EYS: variants seen among roughly 807,000 people sequenced by gnomAD.
EYS encodes the protein protein eyes shut homolog.
A neutral mutation model predicts 282.1 loss-of-function variants in EYS; 250 were observed. The observed-to-expected ratio is 0.89, with a 90% confidence interval of 0.80 to 0.98. The LOEUF (loss-of-function observed/expected upper bound fraction) is 0.98, where lower values mean the gene tolerates loss of function less well. Ranked by LOEUF, EYS falls within the 50% of genes least tolerant of loss-of-function variation. The probability of loss-of-function intolerance (pLI) is 0.00; values close to 1 mark genes in which losing one functional copy is unlikely to be tolerated. For synonymous variants in EYS, 1,355 were observed against 1,282.9 expected, an observed-to-expected ratio of 1.06 and a Z score of -1.20; for missense variants, 4,016 against 3,709.0, an observed-to-expected ratio of 1.08 and a Z score of -2.15.
chr6:64,002,328 GTA>G (rs1391063182), intron 33 of EYS, among the ~76,000 whole-genome samples: 1 of 152,202 alleles, frequency 6.6e-6, no homozygotes, highest in Non-Finnish European at 1.5e-5. Context: ...TTGAGCCTGT[GTA>G]TGATCTGATT....
intron 1 of EYS, among the ~76,000 whole-genome samples, chr6:65,677,446 T>G (rs1425196674): frequency 2.6e-5 from 4 of 151,808 alleles, no homozygotes; most frequent in East Asian, 1.9e-4. Context: ...GAAAAATAAG[T>G]TAAAAACAAT....
At chr6:65,197,207 C>T (rs561566372) in intron 12 of EYS, among the ~76,000 whole-genome samples, 7 of 151,958 alleles carry the variant, frequency 4.6e-5, no homozygotes, top group African/African-American at 9.6e-5. Context: ...CATATAATAA[C>T]GACGCTAAAA....
chr6:64,816,883 G>T (rs1243644946), intron 21 of EYS, among the ~76,000 whole-genome samples: 2 of 151,458 alleles, frequency 1.3e-5, no homozygotes, highest in Non-Finnish European at 2.9e-5. Context: ...TCCAAAAAAG[G>T]ATACTAATTA....
intron 5 of EYS, among the ~76,000 whole-genome samples, chr6:65,449,200 C>A (rs1395062735): frequency 6.6e-6 from 1 of 152,000 alleles, no homozygotes; most frequent in East Asian, 1.9e-4. Context: ...TTGATGTTCT[C>A]AATTACCTAT....
intron 22 of EYS, among the ~76,000 whole-genome samples, chr6:64,801,479 A>G (rs1774551308): frequency 6.6e-6 from 1 of 152,144 alleles, no homozygotes; most frequent in Admixed American, 6.6e-5. Flanking sequence ...CATATAATTT[A>G]ACATTTTTTT....
At chr6:65,048,967 A>G (rs1381396573) in intron 13 of EYS, among the ~76,000 whole-genome samples, 2 of 151,804 alleles carry the variant, frequency 1.3e-5, no homozygotes, top group South Asian at 2.1e-4. Context: ...CCAGTGTGCC[A>G]TAAGTAGATT....
chr6:64,482,241 A>C (rs1233729429), intron 26 of EYS, among the ~76,000 whole-genome samples: 4 of 151,572 alleles, frequency 2.6e-5, no homozygotes, highest in Non-Finnish European at 5.9e-5. Flanking sequence ...TTCCTGATCC[A>C]CTCACTTACA....
At chr6:64,292,310 G>A (rs759071228) in intron 30 of EYS, among the ~76,000 whole-genome samples, 14 of 152,070 alleles carry the variant, frequency 9.2e-5, no homozygotes, top group Non-Finnish European at 1.6e-4. Flanking sequence ...AATTACTTTT[G>A]GGAATAGCCT....
chr6:65,495,128 A>C lies in EYS; in HGVS notation c.283T>G (p.Ser95Ala). 1 of 1,614,148 alleles carries C rather than the reference A, an allele frequency of 6.2e-7. No homozygotes were observed. Among genetic ancestry groups the C allele is most frequent in the Admixed American group, 1.7e-5 (1 of 60,018 alleles). ...AAATTTATTTCTGGAAATTGAAGAG[A>C]TGGTTCAGAAGAAATTACAAGGATA... is the stretch of plus-strand genomic sequence containing the variant. Reference protein sequence around the residue: ...GDILVISSEPSLQFPEINLMN... With the variant: ...GDILVISSEPALQFPEINLMN... The change falls in exon 4 of 43, where the codon TCT becomes GCT. Residue 95 changes from serine to alanine, a missense_variant. By Grantham distance (99) the Ser-to-Ala change is moderately conservative. Coordinates refer to ENST00000503581, the MANE Select transcript of EYS (RefSeq NM_001142800.2).
chr6:64,351,657 G>A (rs1182282891), intron 29 of EYS, among the ~76,000 whole-genome samples: 2 of 151,408 alleles, frequency 1.3e-5, no homozygotes, highest in African/African-American at 4.8e-5. Flanking sequence ...TGCTTCAGTG[G>A]ACTACAAGGT....
chr6:65,492,021 T>C (rs546856118), intron 4 of EYS, among the ~76,000 whole-genome samples: 1 of 152,184 alleles, frequency 6.6e-6, no homozygotes, highest in African/African-American at 2.4e-5. Context: ...TCTTTGACTT[T>C]TGGCATCTAA....
rs1160895887 is a variant in EYS at position 64,316,014 on chromosome 6, A to G, written c.6079-8932T>C. Among the ~76,000 whole-genome samples, 3 of 152,240 alleles carry G rather than the reference A, an allele frequency of 2.0e-5. No individual in the cohort carries two copies. In the East Asian group the frequency reaches 5.8e-4, roughly 29 times the overall value. Reference sequence around the variant, plus strand: ...CAGAAAATGCCTTCAAAAATATTCAACAACCCTTCATGCTAAAAACTCTCA... The same window carrying G: ...CAGAAAATGCCTTCAAAAATATTCAGCAACCCTTCATGCTAAAAACTCTCA... On this transcript the variant is annotated intron_variant, in intron 29 of 42. Coordinates refer to ENST00000503581, the MANE Select transcript of EYS (RefSeq NM_001142800.2).
intron 35 of EYS, among the ~76,000 whole-genome samples, chr6:63,936,827 A>G (rs1765072789): frequency 6.6e-6 from 1 of 152,254 alleles, no homozygotes. Context: ...AGATTCAGGT[A>G]TCTTTCTGCG....
chr6:63,730,818 G>A (rs958876366), intron 41 of EYS, among the ~76,000 whole-genome samples: 4 of 151,966 alleles, frequency 2.6e-5, no homozygotes, highest in South Asian at 2.1e-4. Context: ...TCAAGAGATC[G>A]AGACCAACCT....
intron 31 of EYS, among the ~76,000 whole-genome samples, chr6:64,193,559 G>T (rs547234861): frequency 6.6e-6 from 1 of 152,000 alleles, no homozygotes; most frequent in African/African-American, 2.4e-5. Context: ...CTGCAGGTTT[G>T]TTACATATGT....
intron 29 of EYS, among the ~76,000 whole-genome samples, chr6:64,374,522 C>G (rs1356554163): frequency 6.6e-6 from 1 of 152,112 alleles, no homozygotes; most frequent in Non-Finnish European, 1.5e-5. Context: ...CACCCTTTCC[C>G]ATGTTGGAGA....
chr6:65,152,738 T>C (rs904757670), intron 12 of EYS, among the ~76,000 whole-genome samples: 105 of 151,930 alleles, frequency 6.9e-4, no homozygotes, highest in African/African-American at 2.4e-3. Flanking sequence ...ACTTCCACTT[T>C]AATAGTTCAG....
rs185807079 is a variant in EYS, at chr6:65,090,204, T to C, written c.2024-32477A>G. Among the ~76,000 whole-genome samples, 152 of 152,192 alleles carry C rather than the reference T, an allele frequency of 1.0e-3. 1 individual carries two copies. Among genetic ancestry groups the C allele is most frequent in the Middle Eastern group, 3.4e-3 (1 of 294 alleles). On this transcript the variant is annotated intron_variant, in intron 12 of 42. Transcript: ENST00000503581. Reference sequence around the variant, plus strand: ...CAAGGGCAGGACCAGGTGAAAGTAATTGGATCATGGGAGTGGCTTACCCCT... The same window carrying C: ...CAAGGGCAGGACCAGGTGAAAGTAACTGGATCATGGGAGTGGCTTACCCCT...
At chr6:64,026,746 G>T (rs1352440227) in intron 33 of EYS, among the ~76,000 whole-genome samples, 2 of 151,976 alleles carry the variant, frequency 1.3e-5, no homozygotes, top group African/African-American at 2.4e-5. Context: ...AATCTCCCCT[G>T]CCCAGAAGGA....
Sources: allele counts gnomAD v4.1 joint callset (sites outside exome capture counted in the v4.1 genomes callset), GRCh38; gene constraint gnomAD v4.1.1; transcripts MANE v1.5; gene names NCBI Gene and HGNC (gene_info 2026-07-23, HGNC 2026-07-21).